The following MAD1L1 variants were observed in gnomAD, a reference collection of about 807,000 sequenced individuals.
MAD1L1 encodes the protein mitotic arrest deficient 1 like 1.
Under a neutral mutation model 96.9 loss-of-function variants are expected in MAD1L1, and 95 were observed. That is an observed-to-expected ratio of 0.98 (90% confidence interval 0.83 to 1.16). The LOEUF (loss-of-function observed/expected upper bound fraction) is 1.16. MAD1L1 is among the 50% of genes most tolerant of loss of function. The probability of loss-of-function intolerance (pLI) is 0.00; values close to 1 mark genes in which losing one functional copy is unlikely to be tolerated. For synonymous variants in MAD1L1, 473 were observed against 396.6 expected (o/e 1.19, Z -2.29); for missense variants, 1,007 against 954.4 (o/e 1.06, Z -0.73).
At chr7:1,910,842 C>A (rs1056327609) in intron 17 of MAD1L1, among the ~76,000 whole-genome samples, 12 of 152,218 alleles carry the variant, frequency 7.9e-5, no homozygotes, top group Non-Finnish European at 1.5e-4. Flanking sequence ...ATGGGGAAAC[C>A]GACGATGAGA....
At chr7:2,218,089 A>G (rs920217715) in intron 6 of MAD1L1, 46 bp from the exon 7 acceptor site, 2 of 1,452,008 alleles carry the variant, frequency 1.4e-6, no homozygotes, top group Admixed American at 3.3e-5. Context: ...GCATGCGGCA[A>G]GGCCAACAAT....
chr7:1,822,297 G>A (rs1337460186), intron 18 of MAD1L1, among the ~76,000 whole-genome samples: 1 of 151,910 alleles, frequency 6.6e-6, no homozygotes, highest in Admixed American at 6.6e-5. Context: ...AAATACTGAT[G>A]AAAGGAATCG....
intron 10 of MAD1L1, among the ~76,000 whole-genome samples, chr7:2,150,915 G>A (rs780984026): frequency 8.5e-5 from 13 of 152,214 alleles, no homozygotes; most frequent in African/African-American, 1.7e-4. Flanking sequence ...AGCTGGCACC[G>A]GGGAGACCCC....
At chr7:1,826,118 T>C (rs1375744655) in intron 18 of MAD1L1, among the ~76,000 whole-genome samples, 2 of 152,152 alleles carry the variant, frequency 1.3e-5, no homozygotes, top group Non-Finnish European at 2.9e-5. Flanking sequence ...CGCAACCTGT[T>C]AGACCGGGAT....
intron 14 of MAD1L1, among the ~76,000 whole-genome samples, chr7:1,995,382 G>A (rs570602176): frequency 2.0e-5 from 3 of 152,298 alleles, no homozygotes; most frequent in Non-Finnish European, 2.9e-5. Context: ...CCCAGCACAC[G>A]AACTCACTTA....
At chr7:1,935,399 C>G (rs534919295) in intron 17 of MAD1L1, among the ~76,000 whole-genome samples, 2 of 152,324 alleles carry the variant, frequency 1.3e-5, no homozygotes, top group Admixed American at 1.3e-4. Flanking sequence ...CACAGGCCCC[C>G]CCTTCTGGCT....
At chr7:2,081,383 G>A (rs142177900) in intron 11 of MAD1L1, among the ~76,000 whole-genome samples, 148 of 152,328 alleles carry the variant, frequency 9.7e-4, no homozygotes, top group African/African-American at 3.0e-3. Flanking sequence ...CAGCATCCAC[G>A]TATCAGTCCC....
intron 11 of MAD1L1, among the ~76,000 whole-genome samples, chr7:2,127,232 C>T (rs1389517710): frequency 2.0e-5 from 3 of 152,262 alleles, no homozygotes; most frequent in Non-Finnish European, 2.9e-5. Flanking sequence ...AAGACGTCCC[C>T]GCCCTCCCCT....
intron 18 of MAD1L1, chr7:1,847,815 C>T: frequency 2.5e-6 from 1 of 407,688 alleles, no homozygotes; most frequent in Non-Finnish European, 5.0e-6. Flanking sequence ...CCTTGGCCGG[C>T]TCCAGGCCTC....
Position 1,916,402 on chromosome 7 carries a change from G to A in MAD1L1, c.1808-18012C>T, listed in dbSNP as rs892842440. ...GGACTGGATGAGTGAATTGTGGTCC[G>A]TCTGTGCTAGGCAGCACGCTGGGCA... On this transcript the variant is annotated intron_variant, in intron 17 of 18. Coordinates refer to ENST00000265854, the MANE Select transcript of MAD1L1 (RefSeq NM_001013836.2). Among the ~76,000 whole-genome samples, 4 of 152,194 alleles carry A rather than the reference G, an allele frequency of 2.6e-5. No individual in the cohort carries two copies. In the East Asian group the frequency reaches 5.8e-4, roughly 22 times the overall value.
chr7:2,175,145 TCCCG>T (rs1453810207), intron 10 of MAD1L1: 2 of 152,212 alleles, frequency 1.3e-5, no homozygotes, highest in Non-Finnish European at 2.9e-5. Context: ...AGGCACCCCG[TCCCG>T]AAAAGCGCCA....
chr7:1,963,799 G>C (rs1292615279), intron 15 of MAD1L1, among the ~76,000 whole-genome samples: 1 of 152,192 alleles, frequency 6.6e-6, no homozygotes. Flanking sequence ...AGGTACTTCT[G>C]CAGCAACAAT....
chr7:2,085,902 G>A (rs771209399), intron 11 of MAD1L1, among the ~76,000 whole-genome samples: 62 of 152,338 alleles, frequency 4.1e-4, no homozygotes, highest in Non-Finnish European at 8.1e-4. Flanking sequence ...CACGGCAGAT[G>A]CAGCTTCACA....
At chr7:1,899,592 G>C (rs1362711985) in intron 17 of MAD1L1, among the ~76,000 whole-genome samples, 1 of 152,230 alleles carries the variant, frequency 6.6e-6, no homozygotes, top group East Asian at 1.9e-4. Flanking sequence ...GAGAACAAGG[G>C]TTCCAACTCC....
At chr7:2,193,533 G>T (rs902721670) in intron 10 of MAD1L1, 1 of 152,242 alleles carries the variant, frequency 6.6e-6, no homozygotes, top group Non-Finnish European at 1.5e-5. Flanking sequence ...TTGTTGAATG[G>T]AACAGACGTG....
intron 17 of MAD1L1, among the ~76,000 whole-genome samples, chr7:1,920,591 G>A (rs1205941226): frequency 6.6e-6 from 1 of 152,222 alleles, no homozygotes; most frequent in Non-Finnish European, 1.5e-5. Context: ...TGGTCAGTGG[G>A]TACAGACGCA....
At chr7:2,122,379 A>G (rs1788021365) in intron 11 of MAD1L1, among the ~76,000 whole-genome samples, 4 of 152,162 alleles carry the variant, frequency 2.6e-5, no homozygotes, top group South Asian at 2.1e-4. Context: ...TGTAATCCTA[A>G]AAGTTTAGTA....
intron 18 of MAD1L1, among the ~76,000 whole-genome samples, chr7:1,819,808 T>TGTG (rs1369512409): frequency 1.3e-5 from 2 of 151,946 alleles, no homozygotes; most frequent in East Asian, 3.9e-4. Context: ...AACCGCAGGA[T>TGTG]GTGGTGGGGC....
At chr7:2,076,012 C>G (rs1249339696) in intron 11 of MAD1L1, among the ~76,000 whole-genome samples, 1 of 152,212 alleles carries the variant, frequency 6.6e-6, no homozygotes, top group Non-Finnish European at 1.5e-5. Flanking sequence ...CTGAGAGAGG[C>G]CAGGACAGGT....
Sources: gnomAD v4.1 joint callset for allele counts (sites outside exome capture counted in the v4.1 genomes callset) on GRCh38, gnomAD v4.1.1 for gene constraint, MANE v1.5 for transcripts, NCBI Gene and HGNC (gene_info 2026-07-23, HGNC 2026-07-21) for gene names.